AGL: variants seen among roughly 807,000 people sequenced by gnomAD.
AGL encodes the protein glycogen debranching enzyme.
A neutral mutation model predicts 199.3 loss-of-function variants in AGL; 128 were observed. That is an observed-to-expected ratio of 0.64 (90% CI 0.56 to 0.74). The LOEUF is 0.74. Among genes scored for constraint, AGL ranks in the 30% least tolerant of loss-of-function variants. The probability of loss-of-function intolerance (pLI) is 0.00; values close to 1 mark genes in which losing one functional copy is unlikely to be tolerated. For missense variants in AGL, 1,809 were observed against 1,820.8 expected, an observed-to-expected ratio of 0.99 and a Z score of 0.12; for synonymous variants, 584 against 594.7, an observed-to-expected ratio of 0.98 and a Z score of 0.26.
intron 29 of AGL, among the ~76,000 whole-genome samples, chr1:99,913,084 G>T (rs1654866785): frequency 6.6e-6 from 1 of 152,058 alleles, no homozygotes; most frequent in Admixed American, 6.6e-5. Flanking sequence ...GTAGGGTGTG[G>T]TTATGTGAGC....
Position 99,861,661 on chromosome 1 carries a change from T to C in AGL, c.241T>C (p.Cys81Arg), listed in dbSNP as rs201584227. 44 of 1,613,672 alleles carry C rather than the reference T, an allele frequency of 2.7e-5. No individual in the cohort carries two copies. In the East Asian group the frequency reaches 9.4e-4, roughly 34 times the overall value. ...TEREDDSDKY[C>R]KLNLQQSGSF... ...AAGAGAAGATGATTCTGATAAATAC[T>C]GTAAACTTAATCTGCAACAATCTGG... is the stretch of plus-strand genomic sequence containing the variant. Residue 81 changes from cysteine to arginine, a missense_variant, in exon 3 of 34, where the codon TGT becomes CGT. Transcript: ENST00000361915.
chr1:99,860,723 G>C, intron 2 of AGL, among the ~76,000 whole-genome samples: 1 of 152,192 alleles, frequency 6.6e-6, no homozygotes, highest in East Asian at 1.9e-4. Flanking sequence ...GCAGTAGTGT[G>C]TTGGAGGTGC....
chr1:99,885,449 G>A (rs572491838), intron 20 of AGL, among the ~76,000 whole-genome samples: 5 of 152,266 alleles, frequency 3.3e-5, no homozygotes, highest in African/African-American at 1.2e-4. Context: ...GAAGTTTTGG[G>A]TTAGACGAGG....
At chr1:99,877,416 A>G (rs1651637312) in intron 11 of AGL, among the ~76,000 whole-genome samples, 1 of 152,196 alleles carries the variant, frequency 6.6e-6, no homozygotes, top group African/African-American at 2.4e-5. Flanking sequence ...AATTGAGGAC[A>G]AATTTTTAGA....
chr1:99,852,008 T>G (rs1017013161), intron 2 of AGL, among the ~76,000 whole-genome samples: 7 of 152,236 alleles, frequency 4.6e-5, no homozygotes, highest in Admixed American at 4.6e-4. Context: ...CTTTCCTGAC[T>G]CTGCACTTTT....
intron 22 of AGL, 99 bp from the exon 23 acceptor site, chr1:99,891,507 A>G (rs549633073): frequency 6.5e-7 from 1 of 1,529,532 alleles, no homozygotes; most frequent in Non-Finnish European, 9.0e-7. Flanking sequence ...AATCGGGTTT[A>G]TAGATTACTA....
chr1:99,857,854 A>AGGGGGTGGGGGGG (rs1649691324), intron 2 of AGL, among the ~76,000 whole-genome samples: 1 of 110,636 alleles, frequency 9.0e-6, no homozygotes, highest in African/African-American at 3.5e-5. Flanking sequence ...GGGAGGGGGG[A>AGGGGGTGGGGGGG]AGAGGGAGAG....
At chr1:99,857,847 A>AGAGGGAGGCCGGGGGGAGGGCGTGGGTGT (rs1557743553) in intron 2 of AGL, among the ~76,000 whole-genome samples, 1 of 8,226 alleles carries the variant, frequency 1.2e-4, no homozygotes, top group Non-Finnish European at 2.4e-4. Flanking sequence ...GGGGAGGGGG[A>AGAGGGAGGCCGGGGGGAGGGCGTGGGTGT]GGGGGGAAGA....
chr1:99,866,942 C>G (rs1650568099), intron 5 of AGL, among the ~76,000 whole-genome samples: 1 of 152,132 alleles, frequency 6.6e-6, no homozygotes, highest in East Asian at 1.9e-4. Context: ...CCTCAGCCTC[C>G]CAAGTAGCTG....
At chr1:99,901,914 A>G (rs1395957523) in intron 26 of AGL, among the ~76,000 whole-genome samples, 1 of 152,128 alleles carries the variant, frequency 6.6e-6, no homozygotes, top group Non-Finnish European at 1.5e-5. Flanking sequence ...TTCTGTTACA[A>G]TGAATATAGG....
chr1:99,854,432 C>CT (rs1243543984), intron 2 of AGL, among the ~76,000 whole-genome samples: 5 of 152,170 alleles, frequency 3.3e-5, no homozygotes, highest in African/African-American at 1.2e-4. Context: ...AATGTGCCAC[C>CT]TTTTTTTGCA....
intron 5 of AGL, among the ~76,000 whole-genome samples, chr1:99,868,698 C>T (rs536540885): frequency 1.2e-4 from 18 of 152,258 alleles, no homozygotes; most frequent in African/African-American, 4.3e-4. Context: ...AGGAGGATCA[C>T]TTCAGCTCTA....
intron 26 of AGL, among the ~76,000 whole-genome samples, 162 bp downstream of exon 26, chr1:99,901,023 C>T (rs931860763): frequency 2.6e-5 from 4 of 151,478 alleles, no homozygotes; most frequent in African/African-American, 9.7e-5. Context: ...AGTGATTGGT[C>T]TTTGCCTGAA....
intron 2 of AGL, among the ~76,000 whole-genome samples, chr1:99,861,014 A>G (rs1031450844): frequency 5.9e-5 from 9 of 152,238 alleles, no homozygotes; most frequent in African/African-American, 2.2e-4. Flanking sequence ...AGTGAAGACT[A>G]GCTTTCTCAG....
intron 5 of AGL, among the ~76,000 whole-genome samples, chr1:99,867,813 C>T (rs1005088360): frequency 3.3e-5 from 5 of 152,090 alleles, no homozygotes; most frequent in East Asian, 1.9e-4. Context: ...CGTGAGCCAC[C>T]GCACCCGGCC....
intron 12 of AGL, 74 bp downstream of exon 12, chr1:99,877,902 T>C: frequency 7.0e-7 from 1 of 1,429,342 alleles, no homozygotes; most frequent in Non-Finnish European, 9.8e-7. Context: ...AAGTAAACTA[T>C]GCAGGTAAAT....
At chr1:99,870,951 CATT>C (rs1650946204) in intron 7 of AGL, 82 bp downstream of exon 7, 1 of 831,230 alleles carries the variant, frequency 1.2e-6, no homozygotes, top group Non-Finnish European at 2.0e-6. Flanking sequence ...TGGGTAACGT[CATT>C]ATTAAATATG....
chr1:99,877,482 AT>A (rs968872421), intron 11 of AGL, among the ~76,000 whole-genome samples, 158 bp from the exon 12 acceptor site: 6 of 152,172 alleles, frequency 3.9e-5, no homozygotes, highest in African/African-American at 1.2e-4. Flanking sequence ...ATAATTATTA[AT>A]TTTTTAAAAC....
At chr1:99,881,475 A>G (rs1175888556) in intron 16 of AGL, 28 bp downstream of exon 16, 1 of 1,613,944 alleles carries the variant, frequency 6.2e-7, no homozygotes, top group African/African-American at 1.3e-5. Flanking sequence ...TTGTTTCTTC[A>G]GGTTCAATTT....
Sources: allele counts gnomAD v4.1 joint callset (sites outside exome capture counted in the v4.1 genomes callset), GRCh38; gene constraint gnomAD v4.1.1; transcripts MANE v1.5; gene names NCBI Gene and HGNC (gene_info 2026-07-23, HGNC 2026-07-21).